The following ATAD2B variants were observed in gnomAD, a reference collection of about 807,000 sequenced individuals.
The protein encoded by ATAD2B is ATPase family AAA domain-containing protein 2B.
A neutral mutation model predicts 167.6 loss-of-function variants in ATAD2B; 40 were observed. That is an observed-to-expected ratio of 0.24 (90% CI 0.19 to 0.31). The LOEUF is 0.31. ATAD2B is among the 10% of genes least tolerant of loss of function. The pLI, the probability that ATAD2B is intolerant of heterozygous loss-of-function variation, is 1.00. For missense variants in ATAD2B, 1,242 were observed against 1,757.2 expected, an observed-to-expected ratio of 0.71 and a Z score of 5.24; for synonymous variants, 579 against 596.5, an observed-to-expected ratio of 0.97 and a Z score of 0.43.
At chr2:23,879,080 A>C (rs965696167) in intron 7 of ATAD2B, among the ~76,000 whole-genome samples, 1 of 152,350 alleles carries the variant, frequency 6.6e-6, no homozygotes, top group Admixed American at 6.5e-5. Flanking sequence ...AACCACTTTA[A>C]AAAAGAGTTT....
At chr2:23,752,649 T>A (rs1042433828) in intron 27 of ATAD2B, among the ~76,000 whole-genome samples, 1 of 152,056 alleles carries the variant, frequency 6.6e-6, no homozygotes, top group Non-Finnish European at 1.5e-5. Context: ...AGGATTTGAA[T>A]ACAGGCAGCC....
chr2:23,739,773 G>T, the ATAD2B span, among the ~76,000 whole-genome samples: 5 of 152,036 alleles, frequency 3.3e-5, no homozygotes, highest in Admixed American at 1.3e-4. Flanking sequence ...CTGGTTTTTT[G>T]AAAAGATCAA....
At chr2:23,738,339 A>T in the ATAD2B span, among the ~76,000 whole-genome samples, 2 of 152,342 alleles carry the variant, frequency 1.3e-5, no homozygotes, top group South Asian at 4.1e-4. Context: ...CATCAGACTA[A>T]CAGCTGATCT....
rs1293303716 is a variant in ATAD2B at position 23,750,286 on chromosome 2, C to T, written c.*1760G>A. The T allele has an allele frequency of 3.9e-5, 6 of 151,974 alleles. No homozygotes were observed. Among genetic ancestry groups the T allele is most frequent in the Non-Finnish European group, 7.4e-5 (5 of 67,974 alleles). The allele number at this position is 151,974 out of a possible 1,614,324, so 9.4% of individuals were successfully genotyped here. A position where few individuals can be genotyped will look rare whatever the true frequency, so the allele number is the denominator to read the frequency against. On this transcript the variant is annotated 3_prime_UTR_variant, in exon 28 of 28. Transcript: ENST00000238789. ...CTAACTGGATATTACAGAAACTTCA[C>T]AGACTAGGTACAAAGAAAACACGTG...
chr2:23,814,439 G>GTACTTAACTA, intron 17 of ATAD2B, among the ~76,000 whole-genome samples: 1 of 152,150 alleles, frequency 6.6e-6, no homozygotes, highest in Non-Finnish European at 1.5e-5. Flanking sequence ...TAAGTACACA[G>GTACTTAACTA]TGCTATGGAA....
intron 1 of ATAD2B, among the ~76,000 whole-genome samples, chr2:23,910,026 C>A (rs1702045897): frequency 6.6e-6 from 1 of 150,636 alleles, no homozygotes; most frequent in Admixed American, 6.6e-5. Flanking sequence ...CCATACCAGG[C>A]TAATTTTTTG....
chr2:23,818,125 CACACACACACACACACAGAGAG>C (rs1686797077), intron 17 of ATAD2B, among the ~76,000 whole-genome samples: 1 of 130,024 alleles, frequency 7.7e-6, no homozygotes, highest in Non-Finnish European at 1.6e-5. Context: ...ACACACATTA[CACACACACACACACACAGAGAG>C]AGAGAAGGAG....
intron 19 of ATAD2B, among the ~76,000 whole-genome samples, chr2:23,792,304 C>A (rs1024370271): frequency 2.0e-5 from 3 of 152,042 alleles, no homozygotes; most frequent in African/African-American, 7.2e-5. Flanking sequence ...GCCTCAGCCT[C>A]CCAAAGTGCT....
chr2:23,842,705 G>A (rs888516964), intron 13 of ATAD2B, among the ~76,000 whole-genome samples: 2 of 152,112 alleles, frequency 1.3e-5, no homozygotes, highest in Admixed American at 6.5e-5. Context: ...AAGGGCAAGA[G>A]CTAGTAAGGA....
rs548584081 is a variant in ATAD2B at position 23,797,739 on chromosome 2, C to T, written c.2640+399G>A. ...CACATAACCTGAAGGTAATTTTATA[C>T]AATGTTTTTAATAATTTTGTGCAAG... is the stretch of plus-strand genomic sequence containing the variant. On this transcript the variant is annotated intron_variant, in intron 19 of 27. Coordinates refer to ENST00000238789, the MANE Select transcript of ATAD2B (RefSeq NM_017552.4). 5.9e-5 allele frequency among the ~76,000 whole-genome samples: 9 copies of T among 152,148 alleles called. No individual in the cohort carries two copies. In the East Asian group the frequency reaches 1.7e-3, roughly 29 times the overall value.
At position 23,749,592 on chromosome 2, in the gene ATAD2B, G is replaced by A. The variant is rs1025729215; in HGVS notation, c.*2454C>T. 8 of 151,944 alleles carry A rather than the reference G, an allele frequency of 5.3e-5. No homozygotes were observed. The highest frequency in any genetic ancestry group is 1.2e-4 in the Non-Finnish European group (8 of 67,966). The allele number at this position is 151,944 out of a possible 1,614,324, so 9.4% of individuals were successfully genotyped here. A position where few individuals can be genotyped will look rare whatever the true frequency, so the allele number is the denominator to read the frequency against. On this transcript the variant is annotated 3_prime_UTR_variant, in exon 28 of 28. Coordinates refer to ENST00000238789, the MANE Select transcript of ATAD2B (RefSeq NM_017552.4). ...GAGGGAAGGAGGGCCAGAGGAGTTGGTACAATTTCAGCTCATTGTTCTCCC... is the reference window on the plus strand; with the variant it reads ...GAGGGAAGGAGGGCCAGAGGAGTTGATACAATTTCAGCTCATTGTTCTCCC...
the ATAD2B span, among the ~76,000 whole-genome samples, chr2:23,682,754 C>T: frequency 1.6e-4 from 24 of 152,286 alleles, no homozygotes; most frequent in Middle Eastern, 3.4e-3. The surrounding 1 kb of genome is among the most constrained non-coding windows in gnomAD (Gnocchi z 4.1). Flanking sequence ...GCTCCCACCC[C>T]CCTTGCTCCG....
intron 18 of ATAD2B, chr2:23,806,228 GCTACAGAAAAAAGT>G (rs1209094540): frequency 6.6e-6 from 1 of 152,000 alleles, no homozygotes; most frequent in Non-Finnish European, 1.5e-5. Flanking sequence ...TTTATTTTGG[GCTACAGAAAAAAGT>G]AGGAAATCCC....
intron 22 of ATAD2B, among the ~76,000 whole-genome samples, chr2:23,776,591 G>T (rs1679168070): frequency 6.6e-6 from 1 of 152,138 alleles, no homozygotes; most frequent in Non-Finnish European, 1.5e-5. Context: ...CTCCAGACTT[G>T]TTTTTTTCAT....
intron 13 of ATAD2B, among the ~76,000 whole-genome samples, chr2:23,847,901 G>A (rs888124101): frequency 6.6e-6 from 1 of 150,860 alleles, no homozygotes; most frequent in Non-Finnish European, 1.5e-5. Context: ...GCTGAGGCAG[G>A]AGAATCGCTT....
chr2:23,774,315 T>C (rs1345003690), intron 22 of ATAD2B, among the ~76,000 whole-genome samples: 1 of 151,906 alleles, frequency 6.6e-6, no homozygotes, highest in African/African-American at 2.4e-5. Flanking sequence ...CCAGGCATGG[T>C]TGTAAGTCCT....
At chr2:23,710,927 C>T in the ATAD2B span, among the ~76,000 whole-genome samples, 3 of 152,170 alleles carry the variant, frequency 2.0e-5, no homozygotes, top group Non-Finnish European at 4.4e-5. Flanking sequence ...GGATGACCGT[C>T]ATAATAACTT....
intron 19 of ATAD2B, among the ~76,000 whole-genome samples, chr2:23,792,962 C>CAAAA (rs36015161): frequency 0.035 from 1,482 of 42,484 alleles, 323 homozygotes; most frequent in Non-Finnish European, 0.039. Context: ...GACTCTGTCT[C>CAAAA]AAAAAAAAAA....
chr2:23,776,619 C>T (rs2149364327), intron 22 of ATAD2B, among the ~76,000 whole-genome samples: 1 of 152,274 alleles, frequency 6.6e-6, no homozygotes, highest in East Asian at 1.9e-4. Context: ...TTTCCTCAGC[C>T]TAGAGTCAAT....
Sources: allele counts gnomAD v4.1 joint callset (sites outside exome capture counted in the v4.1 genomes callset), GRCh38; gene constraint gnomAD v4.1.1; non-coding constraint Gnocchi (gnomAD v3.1); transcripts MANE v1.5; gene names NCBI Gene and HGNC (gene_info 2026-07-23, HGNC 2026-07-21).